Variants in CYSLTR1 observed in about 807,000 individuals in gnomAD.
CYSLTR1 encodes G-protein coupled receptor HG55.
Under a neutral mutation model 2.1 loss-of-function variants are expected in CYSLTR1, and 1 was observed. The observed-to-expected ratio is 0.48, with a 90% CI of 0.17 to 2.28. CYSLTR1 has a LOEUF of 2.28. Ranked by LOEUF, CYSLTR1 falls within the 30% of genes most tolerant of loss-of-function variation. The pLI is 0.26. For synonymous variants in CYSLTR1, 110 were observed against 89.6 expected, an observed-to-expected ratio of 1.23 and a Z score of -1.28; for missense variants, 299 against 250.1, an observed-to-expected ratio of 1.20 and a Z score of -1.32.
intron 1 of CYSLTR1, among the ~76,000 whole-genome samples, chrX:78,288,522 T>C (rs183582890): frequency 4.3e-4 from 48 of 111,922 alleles, no homozygotes; most frequent in African/African-American, 1.5e-3. Context: ...TGCTTTGTCA[T>C]TAGTGTTCTC....
intron 1 of CYSLTR1, among the ~76,000 whole-genome samples, chrX:78,290,213 T>C (rs931539790): frequency 2.1e-4 from 24 of 112,149 alleles, no homozygotes; most frequent in Non-Finnish European, 4.1e-4. Context: ...ATTTATTAAA[T>C]AGGGAATCCT....
intron 1 of CYSLTR1, among the ~76,000 whole-genome samples, chrX:78,295,674 T>A (rs1375424604): frequency 8.9e-6 from 1 of 112,050 alleles, no homozygotes; most frequent in Non-Finnish European, 1.9e-5. Context: ...ATATGCCTAT[T>A]TAACATTTGT....
At chrX:78,307,037 T>C (rs1923055704) in intron 1 of CYSLTR1, among the ~76,000 whole-genome samples, 1 of 112,214 alleles carries the variant, frequency 8.9e-6, no homozygotes, top group Admixed American at 9.4e-5. Context: ...GTTTGGATTG[T>C]CATTGTGAAT....
Position 78,309,348 on chromosome X carries a change from A to T in CYSLTR1, c.-115+17957T>A, listed in dbSNP as rs966658660. ...CGATGGTACTGAATGACTTCTCAGG[A>T]CCCCTCCTGTTACTATAAACCTATT... On this transcript the variant is annotated intron_variant, in intron 1 of 2. Coordinates refer to ENST00000373304, the MANE Select transcript of CYSLTR1 (RefSeq NM_006639.4). 3.6e-5 allele frequency among the ~76,000 whole-genome samples: 4 copies of T among 111,157 alleles called. No homozygotes were observed. In the Admixed American group the frequency reaches 3.8e-4, roughly 11 times the overall value.
intron 1 of CYSLTR1, among the ~76,000 whole-genome samples, chrX:78,308,885 G>C (rs1308034178): frequency 9.0e-6 from 1 of 111,046 alleles, no homozygotes; most frequent in Non-Finnish European, 1.9e-5. Context: ...TTATGTGTGA[G>C]GATGACACCT....
intron 1 of CYSLTR1, among the ~76,000 whole-genome samples, chrX:78,285,691 G>A (rs1922039325): frequency 8.9e-6 from 1 of 112,268 alleles, no homozygotes; most frequent in African/African-American, 3.2e-5. Flanking sequence ...ACACAAGCGA[G>A]TAAATGTCAC....
At chrX:78,290,364 G>A (rs1250537539) in intron 1 of CYSLTR1, among the ~76,000 whole-genome samples, 2 of 111,817 alleles carry the variant, frequency 1.8e-5, no homozygotes, top group African/African-American at 6.5e-5. Flanking sequence ...GGTTACTGTA[G>A]CCTTATAGTA....
At chrX:78,282,496 A>G (rs182882080) in intron 2 of CYSLTR1, among the ~76,000 whole-genome samples, 99 of 112,671 alleles carry the variant, frequency 8.8e-4, no homozygotes, top group African/African-American at 3.2e-3. Flanking sequence ...TTTCATTCCA[A>G]TATAAATTAA....
intron 1 of CYSLTR1, among the ~76,000 whole-genome samples, chrX:78,297,739 A>G (rs1309570224): frequency 9.1e-6 from 1 of 110,487 alleles, no homozygotes; most frequent in Admixed American, 9.6e-5. Context: ...CTCCTTTTTC[A>G]TTTGTGATTT....
intron 1 of CYSLTR1, among the ~76,000 whole-genome samples, chrX:78,301,933 T>C (rs1055742695): frequency 8.9e-6 from 1 of 112,180 alleles, no homozygotes; most frequent in African/African-American, 3.2e-5. Context: ...ACACCTTACA[T>C]GGTGGCAGGC....
intron 1 of CYSLTR1, among the ~76,000 whole-genome samples, chrX:78,295,686 T>C (rs1199065012): frequency 8.9e-6 from 1 of 111,978 alleles, no homozygotes; most frequent in East Asian, 2.8e-4. Flanking sequence ...AACATTTGTA[T>C]GTCTTCTTTC....
At chrX:78,321,757 A>C (rs955273130) in intron 1 of CYSLTR1, 5 of 110,167 alleles carry the variant, frequency 4.5e-5, no homozygotes, top group Non-Finnish European at 7.6e-5. Flanking sequence ...GCCATATTTC[A>C]GAGACTAATG....
intron 2 of CYSLTR1, among the ~76,000 whole-genome samples, chrX:78,275,440 G>A (rs1176168780): frequency 9.0e-6 from 1 of 111,215 alleles, no homozygotes; most frequent in Non-Finnish European, 1.9e-5. Flanking sequence ...GGACGTGGAT[G>A]AAACTGGAAA....
At chrX:78,313,516 TA>T (rs1215022984) in intron 1 of CYSLTR1, among the ~76,000 whole-genome samples, 1 of 111,551 alleles carries the variant, frequency 9.0e-6, no homozygotes, top group Non-Finnish European at 1.9e-5. Context: ...GCAACCAAAA[TA>T]ATAGCTAAAA....
chrX:78,302,944 A>G (rs1922878781), intron 1 of CYSLTR1, among the ~76,000 whole-genome samples: 1 of 111,037 alleles, frequency 9.0e-6, no homozygotes, highest in Non-Finnish European at 1.9e-5. Context: ...AGGTCATGAG[A>G]CCACCCCCAA....
In CYSLTR1 at chrX:78,273,127, A is replaced by G. The variant is rs1921368300; in HGVS notation, c.620T>C (p.Val207Ala). The G allele has an allele frequency of 8.3e-7, 1 of 1,206,967 alleles. No individual in the cohort carries two copies. Among genetic ancestry groups the G allele is most frequent in the Non-Finnish European group, 1.1e-6 (1 of 893,633 alleles). The change falls in exon 3 of 3, where the codon GTC (valine) becomes GCC (alanine). Residue 207 changes from valine (V) to alanine (A), a missense_variant. Coordinates refer to ENST00000373304, the MANE Select transcript of CYSLTR1 (RefSeq NM_006639.4). ...GGTCAAAATGATCATTGTGTAACAGACAATTATAATAACAAAAGGGATGAT... is the reference window on the plus strand; with the variant it reads ...GGTCAAAATGATCATTGTGTAACAGGCAATTATAATAACAAAAGGGATGAT... ...GFIIPFVIII[V>A]CYTMIILTLL...
intron 1 of CYSLTR1, among the ~76,000 whole-genome samples, chrX:78,296,805 T>C (rs1432205212): frequency 8.9e-6 from 1 of 112,014 alleles, no homozygotes; most frequent in Admixed American, 9.4e-5. Context: ...ATCTTTAGGT[T>C]TTTCCAAATA....
intron 1 of CYSLTR1, chrX:78,319,670 G>T (rs1017814967): frequency 8.9e-6 from 1 of 111,779 alleles, no homozygotes; most frequent in African/African-American, 3.3e-5. Flanking sequence ...TCTAGTTTTA[G>T]ATCCCTGAGG....
intron 2 of CYSLTR1, among the ~76,000 whole-genome samples, 155 bp from the exon 3 acceptor site, chrX:78,273,928 C>T (rs949159196): frequency 3.6e-5 from 4 of 111,174 alleles, no homozygotes; most frequent in Non-Finnish European, 5.7e-5. Context: ...GTACCTTATC[C>T]TCCGGAGAAG....
Sources: gnomAD v4.1 joint callset for allele counts (sites outside exome capture counted in the v4.1 genomes callset) on GRCh38, gnomAD v4.1.1 for gene constraint, MANE v1.5 for transcripts, NCBI Gene and HGNC (gene_info 2026-07-23, HGNC 2026-07-21) for gene names.